PVT1: variants seen among roughly 807,000 people sequenced by gnomAD.
The protein encoded by PVT1 is CXCR4/PVT1 fusion.
At chr8:127,968,078 A>C (rs1816722558) in intron 3 of PVT1, among the ~76,000 whole-genome samples, 1 of 152,186 alleles carries the variant, frequency 6.6e-6, no homozygotes, top group Admixed American at 6.5e-5. Context: ...ACAAATGTTT[A>C]TGGAAGGTCT....
chr8:128,027,959 C>G (rs982855811), intron 4 of PVT1, among the ~76,000 whole-genome samples: 1 of 152,206 alleles, frequency 6.6e-6, no homozygotes, highest in African/African-American at 2.4e-5. Flanking sequence ...GGCATTTGGT[C>G]CCCTCCTGCA....
At chr8:127,928,748 C>A (rs2129881073) in intron 3 of PVT1, among the ~76,000 whole-genome samples, 1 of 152,346 alleles carries the variant, frequency 6.6e-6, no homozygotes, top group South Asian at 2.1e-4. Context: ...GTGCTGCTCA[C>A]AGCCTGTCCT....
intron 4 of PVT1, among the ~76,000 whole-genome samples, chr8:128,003,545 C>T (rs1161505291): frequency 6.6e-6 from 1 of 152,166 alleles, no homozygotes; most frequent in Non-Finnish European, 1.5e-5. Context: ...AGGATTTCAT[C>T]ATGTTGCCCA....
chr8:127,927,410 G>A (rs78300994), intron 3 of PVT1, among the ~76,000 whole-genome samples: 1 of 152,220 alleles, frequency 6.6e-6, no homozygotes, highest in South Asian at 2.1e-4. Context: ...TTCCTCCTGG[G>A]TTGCTCTTCC....
At chr8:127,844,277 G>C (rs897829385) in intron 2 of PVT1, among the ~76,000 whole-genome samples, 3 of 152,158 alleles carry the variant, frequency 2.0e-5, no homozygotes, top group African/African-American at 7.2e-5. Context: ...GCCCTCTCGT[G>C]AATGAGAAAA....
chr8:127,839,901 T>C (rs1814953660), intron 2 of PVT1, among the ~76,000 whole-genome samples: 1 of 152,168 alleles, frequency 6.6e-6, no homozygotes, highest in African/African-American at 2.4e-5. Flanking sequence ...TGCTGTGAAC[T>C]CTCCCTTCTT....
intron 3 of PVT1, among the ~76,000 whole-genome samples, chr8:127,951,175 C>T (rs113146185): frequency 0.018 from 2,702 of 152,272 alleles, 36 homozygotes; most frequent in Non-Finnish European, 0.029. Context: ...GGATTACAGG[C>T]GTGAGCCACC....
chr8:127,988,517 T>C (rs1370244801), intron 3 of PVT1, among the ~76,000 whole-genome samples: 3 of 152,216 alleles, frequency 2.0e-5, no homozygotes, highest in Non-Finnish European at 2.9e-5. Context: ...CTCCACACTG[T>C]CCCACCCCTT....
chr8:127,899,891 G>C (rs1174028360), intron 3 of PVT1, among the ~76,000 whole-genome samples: 1 of 152,090 alleles, frequency 6.6e-6, no homozygotes, highest in Non-Finnish European at 1.5e-5. Context: ...TGTATAGTGT[G>C]AATATCTAGC....
intron 3 of PVT1, among the ~76,000 whole-genome samples, chr8:127,913,850 G>A (rs1042296603): frequency 1.3e-5 from 2 of 151,606 alleles, no homozygotes; most frequent in African/African-American, 2.4e-5. Context: ...CTTTGCTCTC[G>A]CCTGGACATC....
intron 2 of PVT1, among the ~76,000 whole-genome samples, chr8:127,802,908 G>T (rs1435268707): frequency 1.3e-5 from 2 of 152,096 alleles, no homozygotes; most frequent in African/African-American, 2.4e-5. Context: ...TCGCCCAGGA[G>T]GGAAGGAAGA....
intron 4 of PVT1, among the ~76,000 whole-genome samples, chr8:128,033,114 C>CTTAAAA (rs1813413801): frequency 2.0e-5 from 3 of 152,226 alleles, no homozygotes; most frequent in Non-Finnish European, 4.4e-5. Context: ...TTGCTGTCGT[C>CTTAAAA]CTTACTTAAA....
At chr8:128,098,054 T>A (rs898905151) in intron 6 of PVT1, among the ~76,000 whole-genome samples, 1 of 152,154 alleles carries the variant, frequency 6.6e-6, no homozygotes, top group East Asian at 1.9e-4. Flanking sequence ...CCTGAAGTTC[T>A]TCCCCTCTCT....
At chr8:128,007,323 T>C (rs1817258965) in intron 4 of PVT1, among the ~76,000 whole-genome samples, 1 of 152,216 alleles carries the variant, frequency 6.6e-6, no homozygotes, top group African/African-American at 2.4e-5. Flanking sequence ...ATAATTGTAC[T>C]GTGTATATAA....
At position 127,896,064 on chromosome 8, in the gene PVT1, A is replaced by T. The variant is rs534216177; in HGVS notation, n.782+5066A>T. On this transcript the variant is annotated intron_variant and non_coding_transcript_variant, in intron 3 of 10. Coordinates refer to ENST00000651587, the Ensembl canonical transcript of PVT1. ...TGAAAAAAAAATTGTTACAAGATGC[A>T]ATATTTCTGTGAGACTTGTTAAGCA... 3.3e-5 allele frequency among the ~76,000 whole-genome samples: 5 copies of T among 152,362 alleles called. No individual in the cohort carries two copies. In the East Asian group the frequency reaches 9.6e-4, roughly 29 times the overall value.
At chr8:128,081,755 C>T (rs1196925199) in intron 5 of PVT1, among the ~76,000 whole-genome samples, 2 of 152,142 alleles carry the variant, frequency 1.3e-5, no homozygotes, top group Non-Finnish European at 2.9e-5. Flanking sequence ...GGAAAAACCA[C>T]TTCACTGTAC....
intron 5 of PVT1, among the ~76,000 whole-genome samples, chr8:128,082,315 T>A (rs1814192293): frequency 6.6e-6 from 1 of 152,182 alleles, no homozygotes; most frequent in Non-Finnish European, 1.5e-5. Context: ...TGTGTGTCCA[T>A]CCATTCTCGA....
intron 2 of PVT1, among the ~76,000 whole-genome samples, chr8:127,869,200 G>A (rs181466340): frequency 6.6e-6 from 1 of 151,902 alleles, no homozygotes; most frequent in East Asian, 1.9e-4. Flanking sequence ...GCATGAGTTC[G>A]GCTCACTGCA....
At chr8:127,935,283 C>CT (rs1195882219) in intron 3 of PVT1, among the ~76,000 whole-genome samples, 1 of 152,112 alleles carries the variant, frequency 6.6e-6, no homozygotes, top group African/African-American at 2.4e-5. Flanking sequence ...CAGTTCTCTT[C>CT]TTTTTTTAAG....
Sources: gnomAD v4.1 joint callset for allele counts (sites outside exome capture counted in the v4.1 genomes callset) on GRCh38, gnomAD v4.1.1 for gene constraint, MANE v1.5 for transcripts, NCBI Gene and HGNC (gene_info 2026-07-23, HGNC 2026-07-21) for gene names.